ICA1: variants seen among roughly 807,000 people sequenced by gnomAD.
ICA1 encodes 69 kDa islet cell autoantigen.
A neutral mutation model predicts 71.0 loss-of-function variants in ICA1; 40 were observed. That is an observed-to-expected ratio of 0.56 (90% CI 0.44 to 0.73). ICA1 has a LOEUF of 0.73. ICA1 is among the 30% of genes least tolerant of loss of function. The pLI, the probability that ICA1 is intolerant of heterozygous loss-of-function variation, is 0.00. For synonymous variants in ICA1, 207 were observed against 209.5 expected (o/e 0.99, Z 0.10); for missense variants, 578 against 576.5 (o/e 1.00, Z -0.03).
chr7:8,186,848 TTC>T (rs1321963353), intron 6 of ICA1, among the ~76,000 whole-genome samples: 5 of 152,230 alleles, frequency 3.3e-5, no homozygotes, highest in Non-Finnish European at 7.3e-5. Flanking sequence ...TGTATTCTTA[TTC>T]CAGTAATGTT....
chr7:8,156,884 C>T, intron 8 of ICA1: 5 of 1,520,140 alleles, frequency 3.3e-6, no homozygotes, highest in Non-Finnish European at 4.4e-6. Context: ...TCAATTCGCG[C>T]TTTTGGATTG....
At chr7:8,155,149 T>C (rs2128183682) in intron 8 of ICA1, among the ~76,000 whole-genome samples, 1 of 152,338 alleles carries the variant, frequency 6.6e-6, no homozygotes, top group Non-Finnish European at 1.5e-5. Context: ...CATTTATTCT[T>C]AATATTACCA....
chr7:8,170,327 A>ACAT (rs1030019809), intron 6 of ICA1, among the ~76,000 whole-genome samples: 3 of 152,030 alleles, frequency 2.0e-5, no homozygotes, highest in African/African-American at 7.2e-5. Flanking sequence ...CATTCCAGGT[A>ACAT]CATCACATTT....
rs1337866908 is a variant in ICA1 at position 8,222,424 on chromosome 7, A to G, written c.257-1026T>C. Among the ~76,000 whole-genome samples the G allele has an allele frequency of 6.6e-6, 1 of 152,158 alleles. No homozygotes were observed. The highest frequency in any genetic ancestry group is 1.5e-5 in the Non-Finnish European group (1 of 68,032). ...TTATTTCCTATTTCTGTATTGATGTATTTACATACCCTGTGTCTCTAAAAC... is the reference window on the plus strand; with the variant it reads ...TTATTTCCTATTTCTGTATTGATGTGTTTACATACCCTGTGTCTCTAAAAC... On this transcript the variant is annotated intron_variant, in intron 4 of 13. Coordinates refer to ENST00000402384, the MANE Select transcript of ICA1 (RefSeq NM_001136020.3). This position sits in a 1 kb window ranked among gnomAD's most constrained non-coding sequence, Gnocchi z 4.8.
chr7:8,145,746 G>GTATATATATATATATATATATATA lies in ICA1; in HGVS notation c.805-1775_805-1774insTATATATATATATATATATATATA, dbSNP rs199855161. 4.2e-4 allele frequency among the ~76,000 whole-genome samples: 14 copies of GTATATATATATATATATATATATA among 33,488 alleles called. 1 individual carries two copies. Among genetic ancestry groups the GTATATATATATATATATATATATA allele is most frequent in the African/African-American group, 6.2e-4 (12 of 19,438 alleles). 22.0% of individuals were successfully genotyped at this position (33,488 alleles called of 152,430 possible). ...CACTACTTGTATGATTGGAATCATTGTGTATATATATATATATATATGTAT... is the reference window on the plus strand; with the variant it reads ...CACTACTTGTATGATTGGAATCATTGTATATATATATATATATATATATATGTATATATATATATATATATGTAT... On this transcript the variant is annotated intron_variant, in intron 8 of 13. Coordinates refer to ENST00000402384, the MANE Select transcript of ICA1 (RefSeq NM_001136020.3).
In ICA1 at chr7:8,157,197, A is replaced by T. The variant is rs1267887767; in HGVS notation, c.723T>A (p.Phe241Leu). Residue 241 changes from phenylalanine to leucine, a missense_variant, in exon 8 of 14, where the codon TTT becomes TTA. By Grantham distance (22) the Phe-to-Leu change is conservative. Transcript: ENST00000402384. ...CCATAGTGTGAGAAGTTTTCTCCCA[A>T]AAATGAAGCAGAGTGGTCTGCAAAG... Reference protein sequence around the residue: ...LATYQTTLLHFWEKTSHTMAA... With the variant: ...LATYQTTLLHLWEKTSHTMAA... 6.2e-7 allele frequency: 1 copy of T among 1,606,684 alleles called. No individual in the cohort carries two copies. The highest frequency in any genetic ancestry group is 8.5e-7 in the Non-Finnish European group (1 of 1,177,800).
chr7:8,204,739 CT>C (rs1790910276), intron 6 of ICA1, among the ~76,000 whole-genome samples: 1 of 152,102 alleles, frequency 6.6e-6, no homozygotes, highest in African/African-American at 2.4e-5. Context: ...GTTTAACGTT[CT>C]TTTAAAGTAC....
At chr7:8,188,124 T>C (rs1430500676) in intron 6 of ICA1, among the ~76,000 whole-genome samples, 1 of 152,204 alleles carries the variant, frequency 6.6e-6, no homozygotes, top group East Asian at 1.9e-4. Context: ...GGAAAAACTC[T>C]TAGATAATGT....
intron 13 of ICA1, among the ~76,000 whole-genome samples, chr7:8,122,502 G>T (rs377468464): frequency 6.6e-6 from 1 of 152,276 alleles, no homozygotes; most frequent in South Asian, 2.1e-4. Context: ...TCCTCAGCAG[G>T]CATAGGAAGT....
chr7:8,147,463 T>TCCC (rs1797419413), intron 8 of ICA1, among the ~76,000 whole-genome samples: 1 of 152,060 alleles, frequency 6.6e-6, no homozygotes, highest in Non-Finnish European at 1.5e-5. Flanking sequence ...ATTACTATTA[T>TCCC]TCCTAAAACA....
chr7:8,252,022 C>A (rs910543463), intron 1 of ICA1, among the ~76,000 whole-genome samples: 2 of 151,914 alleles, frequency 1.3e-5, no homozygotes, highest in African/African-American at 4.8e-5. Flanking sequence ...TAAAAGAAAT[C>A]TAGAAAGATA....
At chr7:8,259,315 C>T (rs1022361812) in intron 1 of ICA1, among the ~76,000 whole-genome samples, 3 of 152,114 alleles carry the variant, frequency 2.0e-5, no homozygotes, top group South Asian at 4.1e-4. Context: ...CCATGGACCA[C>T]GTTTGAGTGA....
In ICA1 at chr7:8,157,197, A is replaced by G. The variant is rs1267887767; in HGVS notation, c.723T>C (p.Phe241=). 6.2e-7 allele frequency: 1 copy of G among 1,606,684 alleles called. No homozygotes were observed. The highest frequency in any genetic ancestry group is 1.7e-5 in the Admixed American group (1 of 58,314). ...CCATAGTGTGAGAAGTTTTCTCCCAAAAATGAAGCAGAGTGGTCTGCAAAG... is the reference window on the plus strand; with the variant it reads ...CCATAGTGTGAGAAGTTTTCTCCCAGAAATGAAGCAGAGTGGTCTGCAAAG... The part of the protein sequence containing the change: ...LATYQTTLLH[F]WEKTSHTMAA... The change falls in exon 8 of 14, where the codon TTT becomes TTC. Residue 241 remains phenylalanine (F), a synonymous_variant. Coordinates refer to ENST00000402384, the MANE Select transcript of ICA1 (RefSeq NM_001136020.3).
chr7:8,259,417 A>T (rs533355555), intron 1 of ICA1, among the ~76,000 whole-genome samples: 13 of 152,298 alleles, frequency 8.5e-5, no homozygotes, highest in African/African-American at 2.9e-4. Flanking sequence ...TTTTCCATAA[A>T]GCCCAGGGTC....
intron 12 of ICA1, among the ~76,000 whole-genome samples, 161 bp from the exon 13 acceptor site, chr7:8,128,303 G>A (rs1219308989): frequency 6.6e-6 from 1 of 152,192 alleles, no homozygotes; most frequent in African/African-American, 2.4e-5. Flanking sequence ...TCTCTTAAGA[G>A]TTTATAGAAT....
At chr7:8,115,678 G>C (rs1241918903) in intron 13 of ICA1, among the ~76,000 whole-genome samples, 1 of 152,196 alleles carries the variant, frequency 6.6e-6, no homozygotes, top group Non-Finnish European at 1.5e-5. Flanking sequence ...TGATAATGGA[G>C]TACACACTTC....
chr7:8,248,689 C>A (rs1807012407), intron 1 of ICA1, among the ~76,000 whole-genome samples: 1 of 152,168 alleles, frequency 6.6e-6, no homozygotes, highest in African/African-American at 2.4e-5. Flanking sequence ...GCACTCCAGC[C>A]TGGGCAGCAG....
In ICA1 at chr7:8,113,918, C is replaced by G. The variant is rs1783920426; in HGVS notation, c.*5G>C. On this transcript the variant is annotated 3_prime_UTR_variant, in exon 14 of 14. Transcript: ENST00000402384. The surrounding 1 kb of genome is among the most constrained non-coding windows in gnomAD (Gnocchi z 4.2). Reference sequence around the variant, plus strand: ...CATGTGAGTGCCCTCCCGAAGGGTACAGATTCATGCATTGAGCAATTCGTG... The same window carrying G: ...CATGTGAGTGCCCTCCCGAAGGGTAGAGATTCATGCATTGAGCAATTCGTG... 1.2e-6 allele frequency: 2 copies of G among 1,613,988 alleles called. No individual in the cohort carries two copies. Among genetic ancestry groups the G allele is most frequent in the African/African-American group, 1.3e-5 (1 of 74,916 alleles).
In ICA1 at chr7:8,123,960, A is replaced by G. The variant is rs754066667; in HGVS notation, c.1330+3913T>C. On this transcript the variant is annotated intron_variant, in intron 13 of 13. Coordinates refer to ENST00000402384, the MANE Select transcript of ICA1 (RefSeq NM_001136020.3). The surrounding 1 kb of genome is among the most constrained non-coding windows in gnomAD (Gnocchi z 4.1). Reference sequence around the variant, plus strand: ...CTCAGTTTCCCAGGCAATAAAACGGATAATAGTAGCTGGCTGGGAAGGGTA... The same window carrying G: ...CTCAGTTTCCCAGGCAATAAAACGGGTAATAGTAGCTGGCTGGGAAGGGTA... Among the ~76,000 whole-genome samples the G allele has an allele frequency of 5.9e-5, 9 of 152,204 alleles. No individual in the cohort carries two copies. Among genetic ancestry groups the G allele is most frequent in the Non-Finnish European group, 8.8e-5 (6 of 68,036 alleles).
Sources: gnomAD v4.1 joint callset for allele counts (sites outside exome capture counted in the v4.1 genomes callset) on GRCh38, gnomAD v4.1.1 for gene constraint, Gnocchi (gnomAD v3.1) non-coding constraint, MANE v1.5 for transcripts, NCBI Gene and HGNC (gene_info 2026-07-23, HGNC 2026-07-21) for gene names.